CORO2B: variants seen among roughly 807,000 people sequenced by gnomAD.
CORO2B encodes the protein coronin 2B.
CORO2B carries 26 observed loss-of-function variants against 58.8 expected under a neutral mutation model. The observed-to-expected ratio is 0.44, with a 90% CI of 0.32 to 0.61. CORO2B has a LOEUF of 0.61. Ranked by LOEUF, CORO2B falls within the 20% of genes least tolerant of loss-of-function variation. The probability of loss-of-function intolerance (pLI) is 0.04; values close to 1 mark genes in which losing one functional copy is unlikely to be tolerated. For missense variants in CORO2B, 460 were observed against 645.1 expected (o/e 0.71, Z 3.11); for synonymous variants, 242 against 253.8 (o/e 0.95, Z 0.44).
At chr15:68,652,545 C>T (rs1221875861) in intron 2 of CORO2B, among the ~76,000 whole-genome samples, 6 of 152,198 alleles carry the variant, frequency 3.9e-5, no homozygotes, top group Non-Finnish European at 8.8e-5. Context: ...AGAAGAAACC[C>T]GGCCTAGATA....
In CORO2B at chr15:68,629,513, G is replaced by A. The variant is rs1356946899; in HGVS notation, c.16-15647G>A. On this transcript the variant is annotated intron_variant, in intron 1 of 11. Coordinates refer to ENST00000261861, the MANE Select transcript of CORO2B (RefSeq NM_006091.5). ...TTTACAGAGGCCAGACTATGCCAGT[G>A]GTTTGGTACTCAGGCAACCAAAGCT... 2.6e-5 allele frequency among the ~76,000 whole-genome samples: 4 copies of A among 152,218 alleles called. No individual in the cohort carries two copies. The East Asian group carries it at 7.7e-4, about 29-fold the overall frequency.
chr15:68,630,485 G>A (rs779508640), intron 1 of CORO2B, among the ~76,000 whole-genome samples: 17 of 151,984 alleles, frequency 1.1e-4, no homozygotes, highest in Admixed American at 3.3e-4. Context: ...GTGGTCTCTG[G>A]GCCTCCTTAA....
intron 2 of CORO2B, among the ~76,000 whole-genome samples, chr15:68,686,020 G>GTTTTTTTTTTTTT (rs56168498): frequency 4.8e-5 from 5 of 103,334 alleles, no homozygotes; most frequent in Non-Finnish European, 7.9e-5. Flanking sequence ...TCCTACTTCT[G>GTTTTTTTTTTTTT]TTTTTTTTTT....
intron 2 of CORO2B, among the ~76,000 whole-genome samples, chr15:68,651,635 G>A (rs1184888316): frequency 6.6e-6 from 1 of 152,094 alleles, no homozygotes; most frequent in African/African-American, 2.4e-5. Flanking sequence ...TTTTTGTCTT[G>A]AGCAAACAGC....
intron 3 of CORO2B, among the ~76,000 whole-genome samples, chr15:68,707,878 A>G (rs1892819460): frequency 1.3e-5 from 2 of 152,098 alleles, no homozygotes; most frequent in African/African-American, 4.8e-5. Context: ...GCCCTGGTGC[A>G]GGGGTTGTTG....
intron 11 of CORO2B, among the ~76,000 whole-genome samples, chr15:68,722,230 C>T (rs1265051927): frequency 1.3e-5 from 2 of 152,160 alleles, no homozygotes; most frequent in African/African-American, 4.8e-5. Context: ...CCTATGGAAT[C>T]AGAATTGAGA....
chr15:68,715,355 G>T (rs766901386), intron 8 of CORO2B, 44 bp downstream of exon 8: 11 of 1,413,364 alleles, frequency 7.8e-6, no homozygotes, highest in Non-Finnish European at 1.0e-5. Flanking sequence ...CTCATGGCAC[G>T]GGAGGACATC....
At chr15:68,687,369 A>G (rs1903019065) in intron 2 of CORO2B, among the ~76,000 whole-genome samples, 1 of 152,228 alleles carries the variant, frequency 6.6e-6, no homozygotes, top group East Asian at 1.9e-4. Context: ...GGGAGAATCT[A>G]GGAAGCTGAA....
At position 68,697,816 on chromosome 15, in the gene CORO2B, T is replaced by C. The variant is rs138463081; in HGVS notation, c.333+2560T>C. Among the ~76,000 whole-genome samples the C allele has an allele frequency of 3.3e-5, 5 of 152,200 alleles. No homozygotes were observed. In the East Asian group the frequency reaches 9.7e-4, roughly 29 times the overall value. On this transcript the variant is annotated intron_variant, in intron 3 of 11. Transcript: ENST00000261861. ...AAGAGGCACAGGAGCTGGTGGAGGC[T>C]GGAGAGCCCAGTGGCCAGCACAAGA...
intron 1 of CORO2B, among the ~76,000 whole-genome samples, chr15:68,633,602 G>T (rs1900929033): frequency 6.6e-6 from 1 of 151,710 alleles, no homozygotes; most frequent in Non-Finnish European, 1.5e-5. Context: ...CTCCAAGTAA[G>T]CTCTGTGCAT....
chr15:68,703,584 A>G (rs541527725), intron 3 of CORO2B, among the ~76,000 whole-genome samples: 23 of 152,096 alleles, frequency 1.5e-4, no homozygotes, highest in African/African-American at 5.5e-4. Context: ...GTGAACTCCA[A>G]CTCCTCCTGT....
intron 1 of CORO2B, among the ~76,000 whole-genome samples, chr15:68,597,079 CTT>C (rs755518983): frequency 6.8e-5 from 10 of 146,922 alleles, no homozygotes; most frequent in African/African-American, 7.4e-5. Flanking sequence ...GCATATATAT[CTT>C]TTTTTTTTTT....
chr15:68,545,191 A>G, the CORO2B span, among the ~76,000 whole-genome samples: 1 of 152,180 alleles, frequency 6.6e-6, no homozygotes, highest in African/African-American at 2.4e-5. Context: ...AAACTGGGAG[A>G]TGGTAGATTT....
chr15:68,558,979 C>T, the CORO2B span, among the ~76,000 whole-genome samples: 1 of 151,984 alleles, frequency 6.6e-6, no homozygotes, highest in Admixed American at 6.5e-5. Context: ...CAGGAATGAG[C>T]GTGTCTGTCT....
chr15:68,717,210 A>G (rs1893052226), intron 8 of CORO2B, among the ~76,000 whole-genome samples: 1 of 151,830 alleles, frequency 6.6e-6, no homozygotes, highest in East Asian at 1.9e-4. Flanking sequence ...GCTACTTGGG[A>G]GGCTAAGGCA....
At chr15:68,655,638 C>T (rs1023163364) in intron 2 of CORO2B, among the ~76,000 whole-genome samples, 1 of 152,220 alleles carries the variant, frequency 6.6e-6, no homozygotes, top group African/African-American at 2.4e-5. Context: ...TCGATGATAA[C>T]AATGGCTTTC....
chr15:68,536,546 T>C, the CORO2B span, among the ~76,000 whole-genome samples: 1 of 152,262 alleles, frequency 6.6e-6, no homozygotes, highest in South Asian at 2.1e-4. Context: ...CACTGGCCTG[T>C]AATAACGTGA....
At chr15:68,599,092 C>A (rs990109408) in intron 1 of CORO2B, among the ~76,000 whole-genome samples, 3 of 152,228 alleles carry the variant, frequency 2.0e-5, no homozygotes, top group East Asian at 1.9e-4. Context: ...TCCTTGGCCC[C>A]TGCCCAAACC....
intron 2 of CORO2B, among the ~76,000 whole-genome samples, chr15:68,666,462 T>G (rs1902195929): frequency 6.6e-6 from 1 of 151,854 alleles, no homozygotes; most frequent in Admixed American, 6.6e-5. Context: ...ACCCAGGGAG[T>G]GGGTGAGTGG....
Sources: allele counts gnomAD v4.1 joint callset (sites outside exome capture counted in the v4.1 genomes callset), GRCh38; gene constraint gnomAD v4.1.1; transcripts MANE v1.5; gene names NCBI Gene and HGNC (gene_info 2026-07-23, HGNC 2026-07-21).